The following TSPAN12 variants were observed in gnomAD, a reference collection of about 807,000 sequenced individuals.
The protein encoded by TSPAN12 is tetraspanin 12.
A neutral mutation model predicts 39.2 loss-of-function variants in TSPAN12; 19 were observed. The observed-to-expected ratio is 0.49, with a 90% confidence interval of 0.34 to 0.71. The LOEUF is 0.71. Ranked by LOEUF, TSPAN12 falls within the 30% of genes least tolerant of loss-of-function variation. The pLI, the probability that TSPAN12 is intolerant of heterozygous loss-of-function variation, is 0.01. For missense variants in TSPAN12, 314 were observed against 359.9 expected (o/e 0.87, Z 1.03); for synonymous variants, 119 against 124.8 (o/e 0.95, Z 0.31).
chr7:120,846,420 A>G (rs1395226037), intron 2 of TSPAN12, among the ~76,000 whole-genome samples: 1 of 152,228 alleles, frequency 6.6e-6, no homozygotes, highest in African/African-American at 2.4e-5. Context: ...TTTCAGTAAC[A>G]CAGCTTTTAG....
intron 7 of TSPAN12, among the ~76,000 whole-genome samples, chr7:120,791,604 C>T (rs914533457): frequency 2.0e-5 from 3 of 152,112 alleles, no homozygotes; most frequent in African/African-American, 7.2e-5. Flanking sequence ...TAGACTAATT[C>T]ATTTTAAGCT....
At chr7:120,847,243 AAAAAC>A (rs1050858144) in intron 2 of TSPAN12, among the ~76,000 whole-genome samples, 2 of 151,320 alleles carry the variant, frequency 1.3e-5, no homozygotes, top group African/African-American at 4.9e-5. Context: ...CAAAAAAAAA[AAAAAC>A]AAAAAACCAG....
At position 120,838,877 on chromosome 7, in the gene TSPAN12, A is replaced by G. The variant is rs1794527438; in HGVS notation, c.185T>C (p.Val62Ala). The change falls in exon 4 of 8, where the codon GTG becomes GCG. Residue 62 changes from valine (V) to alanine (A), a missense_variant. By Grantham distance (64) the Val-to-Ala change is moderately conservative (BLOSUM62 0). Transcript: ENST00000222747. ...AACAGCAATCATGACCGGATGAACCACAGGAAAGTAAGTCAAAATGACTGC... is the reference window on the plus strand; with the variant it reads ...AACAGCAATCATGACCGGATGAACCGCAGGAAAGTAAGTCAAAATGACTGC... ...EEAVILTYFP[V>A]VHPVMIAVCC... The G allele has an allele frequency of 6.2e-7, 1 of 1,614,078 alleles. No individual in the cohort carries two copies. The highest frequency in any genetic ancestry group is 1.7e-5 in the Admixed American group (1 of 60,026).
rs1794644877 is a variant in TSPAN12, at chr7:120,844,917, T to C, written c.67-4808A>G. On this transcript the variant is annotated intron_variant, in intron 2 of 7. Coordinates refer to ENST00000222747, the MANE Select transcript of TSPAN12 (RefSeq NM_012338.4). ...ACATTTCCCTTCGGCACTGCTCTAG[T>C]AGAGATTCTCCATGAGGGCTCTGTC... is the stretch of plus-strand genomic sequence containing the variant. 5.3e-5 allele frequency among the ~76,000 whole-genome samples: 8 copies of C among 152,322 alleles called. No homozygotes were observed. In the South Asian group the frequency reaches 1.7e-3, roughly 32 times the overall value.
chr7:120,824,903 A>T (rs1034736957), intron 4 of TSPAN12, among the ~76,000 whole-genome samples: 1 of 152,200 alleles, frequency 6.6e-6, no homozygotes, highest in African/African-American at 2.4e-5. Flanking sequence ...AGATACTTTC[A>T]ATTACTAAGA....
At chr7:120,845,094 G>T (rs530259719) in intron 2 of TSPAN12, among the ~76,000 whole-genome samples, 1 of 152,294 alleles carries the variant, frequency 6.6e-6, no homozygotes, top group Admixed American at 6.5e-5. Context: ...GCATCTTCTG[G>T]AAAAGTGGCC....
intron 2 of TSPAN12, among the ~76,000 whole-genome samples, chr7:120,854,270 TGCAGTAGTGGTA>T (rs1794826827): frequency 6.6e-6 from 1 of 152,180 alleles, no homozygotes; most frequent in African/African-American, 2.4e-5. Context: ...TCAAAGGAAT[TGCAGTAGTGGTA>T]GCAATAGTAG....
chr7:120,845,195 G>A lies in TSPAN12; in HGVS notation c.67-5086C>T, dbSNP rs1196710622. ...GTCCCAAGGTTCTGCAGGGCAGCAG[G>A]GCCCTGGGCCCAGTCCATGAAACCA... On this transcript the variant is annotated intron_variant, in intron 2 of 7. Transcript: ENST00000222747. 2.0e-5 allele frequency among the ~76,000 whole-genome samples: 3 copies of A among 152,136 alleles called. No individual in the cohort carries two copies. The East Asian group carries it at 5.8e-4, about 29-fold the overall frequency.
intron 4 of TSPAN12, among the ~76,000 whole-genome samples, chr7:120,829,543 A>C (rs1040557153): frequency 6.6e-6 from 1 of 152,182 alleles, no homozygotes; most frequent in African/African-American, 2.4e-5. Context: ...CTTTTAAATG[A>C]ATGTTTTCTG....
chr7:120,855,016 G>A (rs539914310), intron 2 of TSPAN12, among the ~76,000 whole-genome samples: 1 of 152,258 alleles, frequency 6.6e-6, no homozygotes, highest in East Asian at 1.9e-4. Flanking sequence ...AAGAGCCCTG[G>A]AAGAGTTTCA....
intron 4 of TSPAN12, among the ~76,000 whole-genome samples, chr7:120,836,765 A>T (rs144968889): frequency 2.2e-3 from 331 of 152,344 alleles, no homozygotes; most frequent in Non-Finnish European, 3.7e-3. Flanking sequence ...TGCCAGTATT[A>T]CAAACTAGAC....
intron 4 of TSPAN12, among the ~76,000 whole-genome samples, chr7:120,836,173 T>G (rs1376183764): frequency 6.6e-6 from 1 of 151,432 alleles, no homozygotes; most frequent in Non-Finnish European, 1.5e-5. Flanking sequence ...TTTAGAGGAG[T>G]GGGATGTGGG....
At chr7:120,808,779 C>G (rs1361121170) in intron 6 of TSPAN12, among the ~76,000 whole-genome samples, 1 of 152,034 alleles carries the variant, frequency 6.6e-6, no homozygotes, top group Non-Finnish European at 1.5e-5. Flanking sequence ...GATAAAGTTG[C>G]TTTCTGCAAT....
chr7:120,828,998 A>C (rs1396675716), intron 4 of TSPAN12, among the ~76,000 whole-genome samples: 1 of 152,184 alleles, frequency 6.6e-6, no homozygotes, highest in Admixed American at 6.5e-5. Context: ...TCATTATTTT[A>C]AGGAAATTTG....
chr7:120,805,973 C>T (rs1793863636), intron 7 of TSPAN12, among the ~76,000 whole-genome samples: 1 of 152,068 alleles, frequency 6.6e-6, no homozygotes. Flanking sequence ...CTGATCAATT[C>T]TCCCAGAAAA....
chr7:120,840,102 G>A lies in TSPAN12; in HGVS notation c.74C>T (p.Ser25Phe). ...YALNLLFWLMSISVLAVSAWM... is the reference protein window; with the variant it reads ...YALNLLFWLMFISVLAVSAWM... Reference sequence around the variant, plus strand: ...AGCAGAAACTGCCAACACACTGATGGACATTAACTGGGGAGAAAAAAGTAC... The same window carrying A: ...AGCAGAAACTGCCAACACACTGATGAACATTAACTGGGGAGAAAAAAGTAC... The change falls in exon 3 of 8, where the codon TCC (serine) becomes TTC (phenylalanine). Residue 25 changes from serine (S) to phenylalanine (F), a missense_variant. Physicochemically the swap from Ser to Phe is radical, Grantham distance 155 (BLOSUM62 -2). Coordinates refer to ENST00000222747, the MANE Select transcript of TSPAN12 (RefSeq NM_012338.4). The A allele has an allele frequency of 8.7e-6, 14 of 1,613,190 alleles. No homozygotes were observed. Among genetic ancestry groups the A allele is most frequent in the Non-Finnish European group, 1.2e-5 (14 of 1,179,284 alleles).
intron 7 of TSPAN12, among the ~76,000 whole-genome samples, chr7:120,795,238 A>G (rs1332673785): frequency 6.6e-6 from 1 of 152,256 alleles, no homozygotes; most frequent in Non-Finnish European, 1.5e-5. Flanking sequence ...TCCTAAATAA[A>G]GCTAGGTTAG....
intron 4 of TSPAN12, among the ~76,000 whole-genome samples, chr7:120,822,342 C>G (rs1396549594): frequency 1.3e-5 from 2 of 151,914 alleles, no homozygotes; most frequent in South Asian, 4.2e-4. Flanking sequence ...ACCACCACCC[C>G]CTAGGATTTC....
intron 2 of TSPAN12, among the ~76,000 whole-genome samples, chr7:120,850,666 G>C (rs988024290): frequency 6.6e-6 from 1 of 152,012 alleles, no homozygotes; most frequent in Non-Finnish European, 1.5e-5. Flanking sequence ...TAAAAAGGTC[G>C]ATCAGCTTTG....
Sources: allele counts gnomAD v4.1 joint callset (sites outside exome capture counted in the v4.1 genomes callset), GRCh38; gene constraint gnomAD v4.1.1; transcripts MANE v1.5; gene names NCBI Gene and HGNC (gene_info 2026-07-23, HGNC 2026-07-21).